The following RAB5C variants were observed in gnomAD, a reference collection of about 807,000 sequenced individuals.
RAB5C encodes ras-related protein Rab-5C.
In RAB5C, 4 loss-of-function variants were observed where a neutral mutation model predicts 25.2. That is an observed-to-expected ratio of 0.16 (90% CI 0.08 to 0.36). RAB5C has a LOEUF of 0.36. Ranked by LOEUF, RAB5C falls within the 10% of genes least tolerant of loss-of-function variation. RAB5C has a pLI of 1.00. For synonymous variants in RAB5C, 100 were observed against 106.4 expected, an observed-to-expected ratio of 0.94 and a Z score of 0.37; for missense variants, 199 against 283.8, an observed-to-expected ratio of 0.70 and a Z score of 2.15.
chr17:42,154,109 T>C lies in RAB5C; in HGVS notation c.-89+784A>G, dbSNP rs565070122. On this transcript the variant is annotated intron_variant, in intron 1 of 5. Transcript: ENST00000346213. The stretch of plus-strand genomic sequence containing the variant: ...GGCGGCTGGGAAACCACTCACGTGC[T>C]CTGGGAGGACAGAGCTGAGCCTGGA... Among the ~76,000 whole-genome samples, 12 of 152,200 alleles carry C rather than the reference T, an allele frequency of 7.9e-5. No individual in the cohort carries two copies. The South Asian group carries it at 2.5e-3, about 32-fold the overall frequency.
chr17:42,130,727 T>G, intron 1 of RAB5C, 137 bp from the exon 2 acceptor site: 1 of 1,106,458 alleles, frequency 9.0e-7, no homozygotes, highest in Non-Finnish European at 1.2e-6. Flanking sequence ...CTCCCTGCCC[T>G]CCCCACTAGA....
chr17:42,128,866 T>C (rs1028479113), intron 2 of RAB5C, 66 bp from the exon 3 acceptor site: 5 of 1,331,172 alleles, frequency 3.8e-6, no homozygotes, highest in African/African-American at 1.5e-5. Flanking sequence ...AATCCCACTG[T>C]TGCTTCTAGG....
chr17:42,130,262 T>G (rs2054470433), intron 2 of RAB5C, 75 bp downstream of exon 2: 1 of 1,526,232 alleles, frequency 6.6e-7, no homozygotes, highest in African/African-American at 1.4e-5. Context: ...GGCAGGCAGC[T>G]TCCCATCTCC....
At chr17:42,136,861 T>C in intron 1 of RAB5C, among the ~76,000 whole-genome samples, 1 of 152,180 alleles carries the variant, frequency 6.6e-6, no homozygotes, top group Admixed American at 6.5e-5. Context: ...AAGGCTCTCC[T>C]ATTAGAGATA....
intron 1 of RAB5C, chr17:42,131,520 GAAAC>G (rs1326176811): frequency 1.2e-5 from 16 of 1,331,854 alleles, no homozygotes; most frequent in African/African-American, 4.4e-5. Context: ...AACACACACC[GAAAC>G]AAACACACAC....
intron 1 of RAB5C, among the ~76,000 whole-genome samples, chr17:42,148,365 T>C (rs571726027): frequency 2.8e-5 from 4 of 142,024 alleles, no homozygotes; most frequent in South Asian, 2.2e-4. Flanking sequence ...GATCGTACCA[T>C]TGCACTCCAG....
intron 1 of RAB5C, among the ~76,000 whole-genome samples, chr17:42,150,109 T>C (rs1221704016): frequency 6.6e-6 from 1 of 151,016 alleles, no homozygotes; most frequent in African/African-American, 2.4e-5. Flanking sequence ...GGTCTCGAAC[T>C]CCTGACTTCA....
intron 1 of RAB5C, among the ~76,000 whole-genome samples, chr17:42,147,138 GAA>G (rs1395635628): frequency 8.0e-6 from 1 of 125,226 alleles, no homozygotes; most frequent in African/African-American, 4.6e-5. Context: ...AAGAAAGAAA[GAA>G]AGAAAGAGAG....
chr17:42,140,659 G>A (rs1355129762), intron 1 of RAB5C, among the ~76,000 whole-genome samples: 1 of 151,240 alleles, frequency 6.6e-6, no homozygotes, highest in Non-Finnish European at 1.5e-5. Flanking sequence ...GAGTAGCTGG[G>A]ATTCCAGGTG....
intron 1 of RAB5C, among the ~76,000 whole-genome samples, chr17:42,154,396 C>A (rs898986077): frequency 5.9e-5 from 9 of 152,216 alleles, no homozygotes; most frequent in Middle Eastern, 3.4e-3. Context: ...TAAGGAGTTG[C>A]GGGAGCGCAC....
intron 1 of RAB5C, among the ~76,000 whole-genome samples, chr17:42,139,378 G>A (rs989477723): frequency 2.0e-5 from 3 of 152,252 alleles, no homozygotes; most frequent in African/African-American, 7.2e-5. Context: ...CACCAGGGGG[G>A]CCAGGCCCTA....
At chr17:42,133,727 T>G (rs1049360325) in intron 1 of RAB5C, among the ~76,000 whole-genome samples, 12 of 152,244 alleles carry the variant, frequency 7.9e-5, no homozygotes, top group Non-Finnish European at 1.8e-4. Flanking sequence ...GAGCTGAGCC[T>G]CAGTGTTCTC....
At chr17:42,154,405 A>G (rs2079692871) in intron 1 of RAB5C, among the ~76,000 whole-genome samples, 1 of 152,172 alleles carries the variant, frequency 6.6e-6, no homozygotes, top group Non-Finnish European at 1.5e-5. Flanking sequence ...GCGGGAGCGC[A>G]CACACACTTC....
Position 42,153,385 on chromosome 17 carries a change from C to A in RAB5C, c.-89+1508G>T, listed in dbSNP as rs918364106. 3.3e-5 allele frequency among the ~76,000 whole-genome samples: 5 copies of A among 152,232 alleles called. No individual in the cohort carries two copies. In the East Asian group the frequency reaches 9.6e-4, roughly 29 times the overall value. On this transcript the variant is annotated intron_variant, in intron 1 of 5. Transcript: ENST00000346213. ...TGAGCCAAGATCACGCCACTGCACT[C>A]CAGCCTGGGCGACAGAGCAAGACTC...
chr17:42,134,637 G>A (rs2054518064), intron 1 of RAB5C, among the ~76,000 whole-genome samples: 1 of 152,188 alleles, frequency 6.6e-6, no homozygotes, highest in South Asian at 2.1e-4. Context: ...CAGATCTAGG[G>A]AGAAAGATTC....
chr17:42,131,851 G>GACATATACTGATAT, intron 1 of RAB5C: 1 of 491,032 alleles, frequency 2.0e-6, no homozygotes, highest in Non-Finnish European at 3.7e-6. Flanking sequence ...TGTCTCATCA[G>GACATATACTGATAT]ACATATACAT....
intron 1 of RAB5C, among the ~76,000 whole-genome samples, chr17:42,151,012 G>A (rs1269595113): frequency 6.6e-6 from 1 of 152,172 alleles, no homozygotes; most frequent in East Asian, 1.9e-4. Context: ...GCTCAGTGAG[G>A]TCAAGTAACA....
chr17:42,144,666 C>A (rs535502595), intron 1 of RAB5C, among the ~76,000 whole-genome samples: 8 of 151,920 alleles, frequency 5.3e-5, no homozygotes, highest in Non-Finnish European at 5.9e-5. Flanking sequence ...TGGTGGCTCA[C>A]GCCTGTAATC....
Position 42,128,673 on chromosome 17 carries a change from G to A in RAB5C, c.294C>T (p.Ile98=), listed in dbSNP as rs1415213346. The part of the protein sequence containing the change: ...PMYYRGAQAA[I]VVYDITNTDT... ...CTGTGTTGGTGATGTCATAGACCAC[G>A]ATGGCAGCCTGGGCCCCCCGATAGT... The change falls in exon 3 of 6, where the codon ATC becomes ATT. Residue 98 remains isoleucine (I), a synonymous_variant. Transcript: ENST00000346213. The A allele has an allele frequency of 4.7e-6, 7 of 1,502,690 alleles. No homozygotes were observed. The highest frequency in any genetic ancestry group is 4.8e-5 in the East Asian group (2 of 41,534). The allele number at this position is 1,502,690 out of a possible 1,614,324, so 93.1% of individuals were successfully genotyped here. A position where few individuals can be genotyped will look rare whatever the true frequency, so the allele number is the denominator to read the frequency against.
Sources: allele counts gnomAD v4.1 joint callset (sites outside exome capture counted in the v4.1 genomes callset), GRCh38; gene constraint gnomAD v4.1.1; transcripts MANE v1.5; gene names NCBI Gene and HGNC (gene_info 2026-07-23, HGNC 2026-07-21).